COL23A1: variants seen among roughly 807,000 people sequenced by gnomAD.
COL23A1 encodes collagen alpha-1(XXIII) chain.
COL23A1 carries 97 observed loss-of-function variants against 99.3 expected under a neutral mutation model. The ratio of observed to expected loss-of-function variants is 0.98; its 90% confidence interval spans 0.83 to 1.16. The LOEUF is 1.16. Among genes scored for constraint, COL23A1 ranks in the 50% most tolerant of loss-of-function variants. COL23A1 has a pLI of 0.00. For synonymous variants in COL23A1, 320 were observed against 308.2 expected, an observed-to-expected ratio of 1.04 and a Z score of -0.40; for missense variants, 762 against 757.4, an observed-to-expected ratio of 1.01 and a Z score of -0.07.
At chr5:178,513,049 G>A (rs115366874) in intron 2 of COL23A1, among the ~76,000 whole-genome samples, 11 of 152,268 alleles carry the variant, frequency 7.2e-5, no homozygotes, top group African/African-American at 2.6e-4. Flanking sequence ...ATATTCCAGG[G>A]GCTCAAGCTG....
At chr5:178,389,260 A>T (rs904006872) in intron 2 of COL23A1, among the ~76,000 whole-genome samples, 1 of 152,056 alleles carries the variant, frequency 6.6e-6, no homozygotes, top group Non-Finnish European at 1.5e-5. Flanking sequence ...CAAAGTCCCA[A>T]TGCCCCTTTC....
At position 178,277,470 on chromosome 5, in the gene COL23A1, C is replaced by T. The variant is rs1756653735; in HGVS notation, c.442-7107G>A. On this transcript the variant is annotated intron_variant, in intron 5 of 28. Coordinates refer to ENST00000390654, the MANE Select transcript of COL23A1 (RefSeq NM_173465.4). Reference sequence around the variant, plus strand: ...AGAGTTTGGGCTTTTCTTGAAAAGCCGGGAGATCTCGCAGACCCTGGTCCA... The same window carrying T: ...AGAGTTTGGGCTTTTCTTGAAAAGCTGGGAGATCTCGCAGACCCTGGTCCA... Among the ~76,000 whole-genome samples, 4 of 152,366 alleles carry T rather than the reference C, an allele frequency of 2.6e-5. No homozygotes were observed. In the South Asian group the frequency reaches 8.3e-4, roughly 32 times the overall value.
chr5:178,299,073 CT>C (rs1173148514), intron 3 of COL23A1, among the ~76,000 whole-genome samples: 1 of 152,132 alleles, frequency 6.6e-6, no homozygotes, highest in African/African-American at 2.4e-5. Context: ...TTGTTGAGGA[CT>C]TTTATGTCTG....
rs567908227 is a variant in COL23A1, at chr5:178,393,612, T to C, written c.362-86693A>G. ...AGCTCCCAATGCATGTGGAAGGAAA[T>C]TGATAAAAATCATCAATCAAGACTC... On this transcript the variant is annotated intron_variant, in intron 2 of 28. Transcript: ENST00000390654. Among the ~76,000 whole-genome samples the C allele has an allele frequency of 1.3e-4, 20 of 152,126 alleles. No individual in the cohort carries two copies. The South Asian group carries it at 3.1e-3, about 24-fold the overall frequency.
At chr5:178,285,533 T>C (rs1757105530) in intron 5 of COL23A1, among the ~76,000 whole-genome samples, 1 of 152,246 alleles carries the variant, frequency 6.6e-6, no homozygotes, top group South Asian at 2.1e-4. Context: ...TTTTCTTCTA[T>C]TGAGACTGTC....
At position 178,309,218 on chromosome 5, in the gene COL23A1, T is replaced by C. The variant is rs929844589; in HGVS notation, c.362-2299A>G. On this transcript the variant is annotated intron_variant, in intron 2 of 28. Transcript: ENST00000390654. The surrounding 1 kb of genome is among the most constrained non-coding windows in gnomAD (Gnocchi z 4.7). ...TGGGGCAGCTGAACTAACGGATTTGTCTGGTGGCTCTCCTGGGTGGCATGG... is the reference window on the plus strand; with the variant it reads ...TGGGGCAGCTGAACTAACGGATTTGCCTGGTGGCTCTCCTGGGTGGCATGG... 2.2e-4 allele frequency among the ~76,000 whole-genome samples: 34 copies of C among 152,164 alleles called. No individual in the cohort carries two copies. Among genetic ancestry groups the C allele is most frequent in the African/African-American group, 8.2e-4 (34 of 41,438 alleles).
At chr5:178,459,823 T>G (rs534469795) in intron 2 of COL23A1, among the ~76,000 whole-genome samples, 4 of 152,156 alleles carry the variant, frequency 2.6e-5, no homozygotes, top group South Asian at 4.2e-4. Context: ...CCTAAACAAT[T>G]TAATGACATG....
At chr5:178,279,842 CCT>C (rs1292809703) in intron 5 of COL23A1, among the ~76,000 whole-genome samples, 2 of 152,236 alleles carry the variant, frequency 1.3e-5, no homozygotes, top group Non-Finnish European at 2.9e-5. Context: ...AGGCGGTGCC[CCT>C]GACCCCCACC....
chr5:178,520,766 A>C (rs543351381), intron 2 of COL23A1, among the ~76,000 whole-genome samples: 1 of 152,312 alleles, frequency 6.6e-6, no homozygotes, highest in Admixed American at 6.5e-5. Context: ...CAATGAGATA[A>C]CACTCTGTGC....
intron 1 of COL23A1, among the ~76,000 whole-genome samples, chr5:178,586,039 A>G (rs1180213316): frequency 2.6e-5 from 4 of 152,006 alleles, no homozygotes; most frequent in Middle Eastern, 3.2e-3. Flanking sequence ...TACCCAGGCT[A>G]CTCTTGGGTG....
intron 2 of COL23A1, among the ~76,000 whole-genome samples, chr5:178,402,100 GC>G (rs1234244034): frequency 6.6e-6 from 1 of 152,192 alleles, no homozygotes; most frequent in African/African-American, 2.4e-5. Context: ...ACAGGTGTGA[GC>G]CACCGCGCCC....
At chr5:178,273,790 G>A (rs1011421267) in intron 5 of COL23A1, among the ~76,000 whole-genome samples, 5 of 152,232 alleles carry the variant, frequency 3.3e-5, no homozygotes, top group African/African-American at 1.2e-4. Context: ...TGCTGGGTGG[G>A]TATGGTCACT....
At chr5:178,547,602 C>T (rs1253289440) in intron 2 of COL23A1, among the ~76,000 whole-genome samples, 147 of 9,084 alleles carry the variant, frequency 0.016, 6 homozygotes, top group African/African-American at 0.036. Flanking sequence ...CAACCACCCA[C>T]ACACACACCC....
intron 2 of COL23A1, among the ~76,000 whole-genome samples, chr5:178,455,801 T>C (rs1265838654): frequency 6.6e-6 from 1 of 151,230 alleles, no homozygotes; most frequent in Non-Finnish European, 1.5e-5. Context: ...TGTCTGACAC[T>C]GGCTCCCTCA....
At chr5:178,326,207 G>A (rs11948332) in intron 2 of COL23A1, among the ~76,000 whole-genome samples, 2 of 151,972 alleles carry the variant, frequency 1.3e-5, no homozygotes, top group African/African-American at 2.4e-5. Flanking sequence ...ACGTGCTCGC[G>A]GCAAGCCTGC....
intron 2 of COL23A1, among the ~76,000 whole-genome samples, chr5:178,448,400 A>G (rs1767287451): frequency 6.7e-6 from 1 of 148,286 alleles, no homozygotes. Flanking sequence ...TTGTTCTGTT[A>G]GTGCTAGTCG....
At chr5:178,484,768 G>A (rs28689883) in intron 2 of COL23A1, among the ~76,000 whole-genome samples, 1,491 of 146,078 alleles carry the variant, frequency 0.01, 29 homozygotes, top group African/African-American at 0.035. Context: ...GTTGCAGTGA[G>A]CTGAGATCGC....
At chr5:178,350,355 A>G (rs1348081498) in intron 2 of COL23A1, among the ~76,000 whole-genome samples, 1 of 152,140 alleles carries the variant, frequency 6.6e-6, no homozygotes, top group Non-Finnish European at 1.5e-5. Context: ...CAGCCAGCAC[A>G]GTGCCTGGTA....
intron 2 of COL23A1, among the ~76,000 whole-genome samples, chr5:178,464,390 T>G (rs1482768206): frequency 6.6e-6 from 1 of 152,206 alleles, no homozygotes; most frequent in African/African-American, 2.4e-5. Flanking sequence ...CAGAATTTTC[T>G]TCCTTTTAGG....
Sources: gnomAD v4.1 joint callset for allele counts (sites outside exome capture counted in the v4.1 genomes callset) on GRCh38, gnomAD v4.1.1 for gene constraint, Gnocchi (gnomAD v3.1) non-coding constraint, MANE v1.5 for transcripts, NCBI Gene and HGNC (gene_info 2026-07-23, HGNC 2026-07-21) for gene names.